Variants in CD2AP observed in about 807,000 individuals in gnomAD.
CD2AP encodes the protein CD2 associated protein.
A neutral mutation model predicts 85.1 loss-of-function variants in CD2AP; 46 were observed. The observed-to-expected ratio is 0.54, with a 90% CI of 0.43 to 0.69. The LOEUF (loss-of-function observed/expected upper bound fraction) is 0.69, where lower values mean the gene tolerates loss of function less well. CD2AP is among the 30% of genes least tolerant of loss of function. The probability of loss-of-function intolerance (pLI) is 0.00; values close to 1 mark genes in which losing one functional copy is unlikely to be tolerated. For synonymous variants in CD2AP, 255 were observed against 252.9 expected, an observed-to-expected ratio of 1.01 and a Z score of -0.08; for missense variants, 769 against 729.5, an observed-to-expected ratio of 1.05 and a Z score of -0.62.
chr6:47,557,169 G>GTTTT (rs371058774), intron 5 of CD2AP, among the ~76,000 whole-genome samples: 5 of 144,640 alleles, frequency 3.5e-5, no homozygotes, highest in Non-Finnish European at 4.5e-5. Flanking sequence ...TTTTGATGGA[G>GTTTT]TTTTTTTTTT....
intron 13 of CD2AP, among the ~76,000 whole-genome samples, chr6:47,605,099 A>T (rs1769234316): frequency 6.6e-6 from 1 of 152,026 alleles, no homozygotes; most frequent in African/African-American, 2.4e-5. Context: ...GTTAGAACAT[A>T]TAAATATCTG....
chr6:47,593,598 G>A (rs939068121), intron 11 of CD2AP, among the ~76,000 whole-genome samples: 4 of 151,886 alleles, frequency 2.6e-5, no homozygotes, highest in African/African-American at 9.7e-5. Flanking sequence ...AAACCACAGC[G>A]AGCACCACTT....
chr6:47,479,497 C>CAA lies in CD2AP; in HGVS notation c.4+1252_4+1253dup, dbSNP rs146562594. Among the ~76,000 whole-genome samples the CAA allele has an allele frequency of 3.6e-3, 544 of 152,282 alleles. 2 individuals carry two copies. The highest frequency in any genetic ancestry group is 0.012 in the African/African-American group (515 of 41,552). The stretch of plus-strand genomic sequence containing the variant: ...CCTCCTTTCAGGTAACTTTCATACT[C>CAA]AAAAGTGCTCTTGAGCTCAAAAACA... On this transcript the variant is annotated intron_variant, in intron 1 of 17. Coordinates refer to ENST00000359314, the MANE Select transcript of CD2AP (RefSeq NM_012120.3).
intron 2 of CD2AP, among the ~76,000 whole-genome samples, chr6:47,525,207 C>T (rs1427514688): frequency 6.6e-6 from 1 of 151,962 alleles, no homozygotes; most frequent in Non-Finnish European, 1.5e-5. Context: ...GCAGTATATA[C>T]CAGATAAACA....
In CD2AP at chr6:47,625,770, A is replaced by G. The variant is rs1769891936; in HGVS notation, c.*1543A>G. 6.6e-6 allele frequency: 1 copy of G among 151,822 alleles called. No homozygotes were observed. Among genetic ancestry groups the G allele is most frequent in the Non-Finnish European group, 1.5e-5 (1 of 67,778 alleles). 9.4% of individuals were successfully genotyped at this position (151,822 alleles called of 1,614,324 possible). On this transcript the variant is annotated 3_prime_UTR_variant, in exon 18 of 18. Transcript: ENST00000359314. ...CAAATAAAGAGAACTGAAGTAGAAA[A>G]TAGAAATGCCAGTAAACAACATAAT... is the stretch of plus-strand genomic sequence containing the variant.
chr6:47,503,588 A>G, intron 2 of CD2AP, 148 bp downstream of exon 2: 1 of 714,440 alleles, frequency 1.4e-6, no homozygotes, highest in South Asian at 1.8e-5. Context: ...GTACCTCTAT[A>G]ATGGATATCA....
chr6:47,610,971 A>ATATATATATATATTTTT, intron 16 of CD2AP, among the ~76,000 whole-genome samples: 2 of 112,906 alleles, frequency 1.8e-5, no homozygotes, highest in African/African-American at 7.2e-5. Flanking sequence ...ATATATATGT[A>ATATATATATATATTTTT]TTTTTTTTTT....
Position 47,573,484 on chromosome 6 carries a change from GTT to G in CD2AP, c.542-559_542-558del, listed in dbSNP as rs765430650. Among the ~76,000 whole-genome samples, 4 of 94,722 alleles carry G rather than the reference GTT, an allele frequency of 4.2e-5. No homozygotes were observed. The East Asian group carries it at 1.1e-3, about 27-fold the overall frequency. 62.1% of individuals were successfully genotyped at this position (94,722 alleles called of 152,430 possible). On this transcript the variant is annotated intron_variant, in intron 5 of 17. Coordinates refer to ENST00000359314, the MANE Select transcript of CD2AP (RefSeq NM_012120.3). ...AAAGCTATAAATTGACATGCTGTGTGTTTTTTTTTTTTTTTTTTTTTTGAGAC... is the reference window on the plus strand; with the variant it reads ...AAAGCTATAAATTGACATGCTGTGTGTTTTTTTTTTTTTTTTTTTTGAGAC...
chr6:47,579,261 GGAGGTT>G lies in CD2AP; in HGVS notation c.904-119_904-114del, dbSNP rs536243596. 395 of 656,346 alleles carry G rather than the reference GGAGGTT, an allele frequency of 6.0e-4. 1 individual carries two copies. The highest frequency in any genetic ancestry group is 9.6e-4 in the Non-Finnish European group (349 of 365,046). 40.7% of individuals were successfully genotyped at this position (656,346 alleles called of 1,614,324 possible). ...GAGTTGGGAGGATCACTTGAGCCCA[GGAGGTT>G]GAGGCTGCAGTGAGTCATGATCGCA... On this transcript the variant is annotated intron_variant, in intron 8 of 17. Coordinates refer to ENST00000359314, the MANE Select transcript of CD2AP (RefSeq NM_012120.3).
intron 17 of CD2AP, among the ~76,000 whole-genome samples, chr6:47,620,538 T>C (rs750430416): frequency 3.3e-5 from 5 of 152,178 alleles, no homozygotes; most frequent in Non-Finnish European, 7.3e-5. Flanking sequence ...GGGCTCTTTT[T>C]TTGATTCCTA....
chr6:47,503,512 T>C (rs1209316232), intron 2 of CD2AP, 72 bp downstream of exon 2: 2 of 1,290,484 alleles, frequency 1.5e-6, no homozygotes, highest in Admixed American at 1.8e-5. Context: ...GAAATAGATA[T>C]ACTTTTAAAA....
intron 1 of CD2AP, among the ~76,000 whole-genome samples, chr6:47,482,639 A>G (rs1462304294): frequency 5.9e-5 from 9 of 152,042 alleles, no homozygotes; most frequent in African/African-American, 2.2e-4. Flanking sequence ...CAGCCTTCCA[A>G]AGTACTGGGA....
chr6:47,522,015 CA>C (rs36100742), intron 2 of CD2AP, among the ~76,000 whole-genome samples: 36 of 143,206 alleles, frequency 2.5e-4, no homozygotes, highest in Admixed American at 4.2e-4. Context: ...AACTCTGCCT[CA>C]AAAAAAAAAA....
At chr6:47,489,967 CTTTTTTTTTTT>C (rs71684059) in intron 1 of CD2AP, among the ~76,000 whole-genome samples, 68 of 121,624 alleles carry the variant, frequency 5.6e-4, no homozygotes, top group Non-Finnish European at 5.4e-4. Context: ...TCTAAAGAGA[CTTTTTTTTTTT>C]TTTTTTTTTT....
At chr6:47,570,144 T>C (rs539426286) in intron 5 of CD2AP, among the ~76,000 whole-genome samples, 16 of 151,700 alleles carry the variant, frequency 1.1e-4, no homozygotes, top group African/African-American at 3.6e-4. Context: ...CAGATTTCTT[T>C]TTTTTTTTTA....
intron 2 of CD2AP, among the ~76,000 whole-genome samples, chr6:47,505,011 C>CT (rs58060161): frequency 0.043 from 4,036 of 94,788 alleles, 93 homozygotes; most frequent in East Asian, 0.081. Flanking sequence ...GTGGCAGTTT[C>CT]TTTTTTTTTT....
intron 4 of CD2AP, among the ~76,000 whole-genome samples, chr6:47,549,814 A>G (rs1265106150): frequency 2.6e-5 from 4 of 152,186 alleles, no homozygotes; most frequent in East Asian, 3.8e-4. Context: ...AAATTATACT[A>G]TAAGGCCACA....
intron 12 of CD2AP, among the ~76,000 whole-genome samples, chr6:47,597,048 T>C (rs1452570757): frequency 4.0e-5 from 6 of 151,502 alleles, no homozygotes; most frequent in Admixed American, 2.6e-4. Context: ...GGGAATTTTA[T>C]TGGAGCTTTG....
chr6:47,569,226 G>A (rs1768082490), intron 5 of CD2AP, among the ~76,000 whole-genome samples: 1 of 152,148 alleles, frequency 6.6e-6, no homozygotes, highest in Non-Finnish European at 1.5e-5. Flanking sequence ...TGACAAGTAG[G>A]AGAGCAGTTG....
Sources: allele counts gnomAD v4.1 joint callset (sites outside exome capture counted in the v4.1 genomes callset), GRCh38; gene constraint gnomAD v4.1.1; transcripts MANE v1.5; gene names NCBI Gene and HGNC (gene_info 2026-07-23, HGNC 2026-07-21).